Variants in ATRNL1 observed in about 807,000 individuals in gnomAD.
ATRNL1 encodes attractin like 1, also known as attractin-like protein 1.
ATRNL1 carries 95 observed loss-of-function variants against 182.7 expected under a neutral mutation model. That is an observed-to-expected ratio of 0.52 (90% confidence interval 0.44 to 0.62). The LOEUF is 0.62. ATRNL1 is among the 20% of genes least tolerant of loss of function. The probability of loss-of-function intolerance (pLI) is 0.00; values close to 1 mark genes in which losing one functional copy is unlikely to be tolerated. For missense variants in ATRNL1, 1,471 were observed against 1,679.5 expected (o/e 0.88, Z 2.17); for synonymous variants, 576 against 568.3 (o/e 1.01, Z -0.19).
At chr10:115,312,346 T>G (rs1223710110) in intron 17 of ATRNL1, among the ~76,000 whole-genome samples, 2 of 152,186 alleles carry the variant, frequency 1.3e-5, no homozygotes, top group Non-Finnish European at 2.9e-5. Context: ...AAGGACTTTA[T>G]TTCTCCTTCA....
chr10:115,450,873 C>G (rs1847248290), intron 21 of ATRNL1, among the ~76,000 whole-genome samples: 1 of 152,104 alleles, frequency 6.6e-6, no homozygotes, highest in South Asian at 2.1e-4. Flanking sequence ...CAGCTTCAAA[C>G]TATATTACAG....
chr10:115,390,813 T>A (rs1843979340), intron 19 of ATRNL1, among the ~76,000 whole-genome samples: 1 of 152,312 alleles, frequency 6.6e-6, no homozygotes, highest in South Asian at 2.1e-4. Context: ...TTTATATAAG[T>A]CACTCGCTAT....
At chr10:115,576,421 G>T (rs1442131014) in intron 26 of ATRNL1, among the ~76,000 whole-genome samples, 2 of 151,704 alleles carry the variant, frequency 1.3e-5, no homozygotes, top group Non-Finnish European at 2.9e-5. Context: ...TTTTGTAATA[G>T]CCATCATAAC....
chr10:115,709,554 T>G (rs1392552012), intron 26 of ATRNL1, among the ~76,000 whole-genome samples: 3 of 151,814 alleles, frequency 2.0e-5, no homozygotes, highest in African/African-American at 7.2e-5. Context: ...AAAAGATTTA[T>G]GGGATTCAGA....
intron 8 of ATRNL1, among the ~76,000 whole-genome samples, chr10:115,200,468 A>G (rs1848525813): frequency 6.7e-6 from 1 of 148,574 alleles, no homozygotes; most frequent in African/African-American, 2.5e-5. Context: ...ATGAGTGAGA[A>G]CATGTAGTGT....
At chr10:115,178,115 C>T (rs138137094) in intron 8 of ATRNL1, among the ~76,000 whole-genome samples, 142 of 151,676 alleles carry the variant, frequency 9.4e-4, no homozygotes, top group African/African-American at 3.2e-3. Context: ...GATGGGGTTT[C>T]GCCATGCCTG....
rs375230280 is a variant in ATRNL1 at position 115,803,335 on chromosome 10, G to C, written c.3904-44542G>C. 5.3e-5 allele frequency among the ~76,000 whole-genome samples: 8 copies of C among 151,996 alleles called. No homozygotes were observed. In the East Asian group the frequency reaches 1.5e-3, roughly 29 times the overall value. On this transcript the variant is annotated intron_variant, in intron 27 of 28. Coordinates refer to ENST00000355044, the MANE Select transcript of ATRNL1 (RefSeq NM_207303.4). ...TTTTTCCTGAAGGATATAATATATT[G>C]CATTAACACAAATTTACAACAGTCA...
chr10:115,536,316 C>A (rs371102418), intron 25 of ATRNL1, among the ~76,000 whole-genome samples: 208 of 152,282 alleles, frequency 1.4e-3, no homozygotes, highest in African/African-American at 4.5e-3. Flanking sequence ...TGGGCAATGG[C>A]GGGCGCCCCT....
chr10:115,623,098 A>T (rs1857878062), intron 26 of ATRNL1, among the ~76,000 whole-genome samples: 1 of 152,196 alleles, frequency 6.6e-6, no homozygotes. Flanking sequence ...AGTAAATGAT[A>T]GGTCAAGCAT....
chr10:115,099,306 A>G (rs1164081831), intron 1 of ATRNL1, among the ~76,000 whole-genome samples: 1 of 152,238 alleles, frequency 6.6e-6, no homozygotes, highest in Non-Finnish European at 1.5e-5. Flanking sequence ...TGGATACACC[A>G]TAATTTGTTT....
chr10:115,224,509 T>C (rs1849616408), intron 9 of ATRNL1, among the ~76,000 whole-genome samples: 2 of 151,646 alleles, frequency 1.3e-5, no homozygotes, highest in South Asian at 4.2e-4. Flanking sequence ...ATTAATGAAA[T>C]AGGAAACATG....
chr10:115,714,300 G>A (rs1947180529), intron 26 of ATRNL1, among the ~76,000 whole-genome samples: 1 of 150,924 alleles, frequency 6.6e-6, no homozygotes, highest in Non-Finnish European at 1.5e-5. Context: ...ACATTGAAGG[G>A]TGGGAAAAAT....
At chr10:115,253,589 C>A (rs1263755063) in intron 10 of ATRNL1, among the ~76,000 whole-genome samples, 2 of 151,996 alleles carry the variant, frequency 1.3e-5, no homozygotes, top group African/African-American at 2.4e-5. Flanking sequence ...CATTGGTGGG[C>A]AGGGCAGATT....
chr10:115,241,987 G>T (rs1192178125), intron 10 of ATRNL1, among the ~76,000 whole-genome samples: 1 of 151,836 alleles, frequency 6.6e-6, no homozygotes, highest in African/African-American at 2.4e-5. Flanking sequence ...TTTTTATGTT[G>T]TTTCCCTTTG....
chr10:115,744,910 A>C (rs1555068749), intron 27 of ATRNL1, among the ~76,000 whole-genome samples: 2 of 152,166 alleles, frequency 1.3e-5, no homozygotes, highest in African/African-American at 2.4e-5. Context: ...AAAATTTTGT[A>C]AAATGCAGAA....
At chr10:115,192,622 T>A (rs2144244420) in intron 8 of ATRNL1, among the ~76,000 whole-genome samples, 1 of 152,232 alleles carries the variant, frequency 6.6e-6, no homozygotes, top group South Asian at 2.1e-4. Flanking sequence ...ATTCTTTCTG[T>A]GAAGAATGTC....
chr10:115,133,639 T>C (rs1424307278), intron 5 of ATRNL1, among the ~76,000 whole-genome samples: 2 of 152,000 alleles, frequency 1.3e-5, no homozygotes, highest in Admixed American at 1.3e-4. Flanking sequence ...GACAGATCAA[T>C]AGACAGAAGG....
chr10:115,490,985 G>T (rs907582575), intron 24 of ATRNL1, among the ~76,000 whole-genome samples: 1 of 152,016 alleles, frequency 6.6e-6, no homozygotes, highest in Non-Finnish European at 1.5e-5. Flanking sequence ...TAACAGTCAG[G>T]CCCCTCTGCT....
chr10:115,818,184 CGTT>C (rs1950210762), intron 27 of ATRNL1, among the ~76,000 whole-genome samples: 1 of 95,490 alleles, frequency 1.0e-5, no homozygotes, highest in African/African-American at 5.0e-5. Context: ...TATTTGATTC[CGTT>C]TTTTTTTTTT....
Sources: gnomAD v4.1 joint callset for allele counts (sites outside exome capture counted in the v4.1 genomes callset) on GRCh38, gnomAD v4.1.1 for gene constraint, MANE v1.5 for transcripts, NCBI Gene and HGNC (gene_info 2026-07-23, HGNC 2026-07-21) for gene names.